PLEKHF1: variants seen among roughly 807,000 people sequenced by gnomAD.
PLEKHF1 encodes pleckstrin homology and FYVE domain containing 1.
PLEKHF1 carries 1 observed loss-of-function variant against 4.1 expected under a neutral mutation model. The ratio of observed to expected loss-of-function variants is 0.24; its 90% CI spans 0.09 to 1.15. The LOEUF (loss-of-function observed/expected upper bound fraction) is 1.15. PLEKHF1 is among the 50% of genes most tolerant of loss of function. The pLI, the probability that PLEKHF1 is intolerant of heterozygous loss-of-function variation, is 0.52. For missense variants in PLEKHF1, 429 were observed against 400.6 expected (o/e 1.07, Z -0.60); for synonymous variants, 182 against 178.5 (o/e 1.02, Z -0.16).
chr19:29,668,645 T>C (rs949508150), intron 1 of PLEKHF1, among the ~76,000 whole-genome samples: 2 of 150,760 alleles, frequency 1.3e-5, no homozygotes, highest in African/African-American at 4.9e-5. Flanking sequence ...TCTTGAGCCC[T>C]GGAGTTCGAG....
intron 1 of PLEKHF1, among the ~76,000 whole-genome samples, chr19:29,672,696 G>A (rs549101378): frequency 6.6e-6 from 1 of 152,320 alleles, no homozygotes; most frequent in African/African-American, 2.4e-5. Context: ...ATGAATGGTG[G>A]TGTCACTGAA....
At chr19:29,668,859 G>A (rs987996846) in intron 1 of PLEKHF1, among the ~76,000 whole-genome samples, 2 of 152,176 alleles carry the variant, frequency 1.3e-5, no homozygotes, top group Non-Finnish European at 1.5e-5. Flanking sequence ...GCATGCCGGG[G>A]CAGCTCCCAG....
Position 29,673,960 on chromosome 19 carries a change from G to C in PLEKHF1, c.121G>C (p.Val41Leu). Reference protein sequence around the residue: ...LPGRVLLGEGVLTKECRKKAK... With the variant: ...LPGRVLLGEGLLTKECRKKAK... ...AGGCCGAGTGCTGCTGGGCGAGGGC[G>C]TGCTGACCAAAGAGTGCCGCAAGAA... The change falls in exon 2 of 2, where the codon GTG (valine) becomes CTG (leucine). Residue 41 changes from valine to leucine, a missense_variant. Val to Leu is a conservative substitution (Grantham distance 32). Coordinates refer to ENST00000436066, the MANE Select transcript of PLEKHF1 (RefSeq NM_024310.5). 3 of 1,613,908 alleles carry C rather than the reference G, an allele frequency of 1.9e-6. No homozygotes were observed. Among genetic ancestry groups the C allele is most frequent in the African/African-American group, 1.3e-5 (1 of 75,070 alleles).
In PLEKHF1 at chr19:29,675,438, AT is replaced by A. The variant is rs1971697496; in HGVS notation, c.*760del. 1 of 166,942 alleles carries A rather than the reference AT, an allele frequency of 6.0e-6. No homozygotes were observed. The highest frequency in any genetic ancestry group is 1.5e-5 in the Non-Finnish European group (1 of 68,122). The allele number at this position is 166,942 out of a possible 1,614,324, so 10.3% of individuals were successfully genotyped here. On this transcript the variant is annotated 3_prime_UTR_variant, in exon 2 of 2. Transcript: ENST00000436066. ...ACAGAAACCCTGCCCCCACTTAATA[AT>A]AAAAAAGAAAGTTTATTGATGGGTG... is the stretch of plus-strand genomic sequence containing the variant.
intron 1 of PLEKHF1, chr19:29,665,752 G>T: frequency 9.3e-7 from 1 of 1,074,064 alleles, no homozygotes; most frequent in South Asian, 2.1e-5. Context: ...CAGAGCGTCC[G>T]AGGCGGAATC....
Position 29,674,521 on chromosome 19 carries a change from C to A in PLEKHF1, c.682C>A (p.Pro228Thr). 1 of 1,573,202 alleles carries A rather than the reference C, an allele frequency of 6.4e-7. No homozygotes were observed. The highest frequency in any genetic ancestry group is 1.2e-5 in the South Asian group (1 of 86,262). The part of the protein sequence containing the change: ...EEAEEQGAGS[P>T]GQPAHLARPI... ...GGCGGAGGAGCAGGGCGCGGGGTCC[C>A]CAGGGCAGCCAGCCCACCTGGCCCG... The change falls in exon 2 of 2, where the codon CCA becomes ACA. Residue 228 changes from proline to threonine, a missense_variant. Pro to Thr is a conservative substitution (Grantham distance 38). Coordinates refer to ENST00000436066, the MANE Select transcript of PLEKHF1 (RefSeq NM_024310.5).
At chr19:29,668,887 C>T (rs945310620) in intron 1 of PLEKHF1, among the ~76,000 whole-genome samples, 10 of 152,256 alleles carry the variant, frequency 6.6e-5, no homozygotes, top group Admixed American at 6.5e-5. Flanking sequence ...TTGTCTGCCC[C>T]GCCCCTCGCC....
chr19:29,670,539 T>C (rs1195218803), intron 1 of PLEKHF1, among the ~76,000 whole-genome samples: 1 of 152,222 alleles, frequency 6.6e-6, no homozygotes, highest in Non-Finnish European at 1.5e-5. Context: ...TGACAGACGT[T>C]TGAGTTGCTT....
In PLEKHF1 at chr19:29,673,917, G is replaced by T. The variant is rs748491809; in HGVS notation, c.78G>T (p.Gly26=). ...TGGAGAGCTGCTTCGGGGCCTCGGG[G>T]CAGCCGCTGGCGCTGCCAGGCCGAG... ...AAVESCFGAS[G]QPLALPGRVL... is the part of the protein sequence containing the mutation. Residue 26 remains glycine (G), a synonymous_variant, in exon 2 of 2, where the codon GGG becomes GGT. Coordinates refer to ENST00000436066, the MANE Select transcript of PLEKHF1 (RefSeq NM_024310.5). The T allele has an allele frequency of 6.2e-7, 1 of 1,612,612 alleles. No homozygotes were observed. Among genetic ancestry groups the T allele is most frequent in the Non-Finnish European group, 8.5e-7 (1 of 1,179,488 alleles).
intron 1 of PLEKHF1, among the ~76,000 whole-genome samples, chr19:29,673,090 T>C (rs1399270259): frequency 6.6e-6 from 1 of 151,928 alleles, no homozygotes; most frequent in Non-Finnish European, 1.5e-5. Flanking sequence ...CCTTCTGGGG[T>C]TGGGTGGGAA....
intron 1 of PLEKHF1, among the ~76,000 whole-genome samples, chr19:29,672,726 T>A (rs1329792963): frequency 6.6e-6 from 1 of 152,108 alleles, no homozygotes; most frequent in Non-Finnish European, 1.5e-5. Flanking sequence ...GAGGTGCAGG[T>A]CTGCGGAGGT....
chr19:29,674,271 G>A lies in PLEKHF1; in HGVS notation c.432G>A (p.Glu144=). ...CCACGGGCCGCCCGCCCAGCACGGA[G>A]CACGCGGCACCCTGGATCCCCGACA... The part of the protein sequence containing the change: ...LRATGRPPST[E]HAAPWIPDKA... Residue 144 remains glutamate (E), a synonymous_variant, in exon 2 of 2, where the codon GAG becomes GAA. Transcript: ENST00000436066. The A allele has an allele frequency of 2.5e-6, 4 of 1,601,856 alleles. No individual in the cohort carries two copies. The highest frequency in any genetic ancestry group is 3.4e-6 in the Non-Finnish European group (4 of 1,177,896).
At chr19:29,666,039 G>A (rs1302522254) in intron 1 of PLEKHF1, among the ~76,000 whole-genome samples, 1 of 151,990 alleles carries the variant, frequency 6.6e-6, no homozygotes, top group Non-Finnish European at 1.5e-5. Context: ...AAGGGAAACA[G>A]GGTCGGGCAC....
rs563693429 is a variant in PLEKHF1 at position 29,671,984 on chromosome 19, C to T, written c.-16-1840C>T. Among the ~76,000 whole-genome samples the T allele has an allele frequency of 6.1e-4, 92 of 151,698 alleles. No homozygotes were observed. Among genetic ancestry groups the T allele is most frequent in the African/African-American group, 1.8e-3 (76 of 41,340 alleles). On this transcript the variant is annotated intron_variant, in intron 1 of 1. Coordinates refer to ENST00000436066, the MANE Select transcript of PLEKHF1 (RefSeq NM_024310.5). The surrounding 1 kb of genome is among the most constrained non-coding windows in gnomAD (Gnocchi z 4.0). Reference sequence around the variant, plus strand: ...GTGGGCCTTGGGACCTGCTTGGAACCGTGCCAAGCTACTTATGAAGCATCT... The same window carrying T: ...GTGGGCCTTGGGACCTGCTTGGAACTGTGCCAAGCTACTTATGAAGCATCT...
At position 29,671,715 on chromosome 19, in the gene PLEKHF1, G is replaced by T. The variant is rs887453092; in HGVS notation, c.-16-2109G>T. On this transcript the variant is annotated intron_variant, in intron 1 of 1. Transcript: ENST00000436066. The surrounding 1 kb of genome is among the most constrained non-coding windows in gnomAD (Gnocchi z 4.0). The stretch of plus-strand genomic sequence containing the variant: ...CACTTGTGATCTGCAGGGGCAAGTG[G>T]AACGGGACTCGAGGGCCCAGCATCT... Among the ~76,000 whole-genome samples, 8 of 152,282 alleles carry T rather than the reference G, an allele frequency of 5.3e-5. No individual in the cohort carries two copies. In the East Asian group the frequency reaches 1.4e-3, roughly 26 times the overall value.
rs898905140 is a variant in PLEKHF1, at chr19:29,675,156, C to T, written c.*477C>T. On this transcript the variant is annotated 3_prime_UTR_variant, in exon 2 of 2. Transcript: ENST00000436066. ...GACTGCCCACCCACCACGCTGGTGC[C>T]CACCGCCTGGCCAGCCAAGCCCTGC... The T allele has an allele frequency of 1.3e-4, 22 of 167,258 alleles. No homozygotes were observed. The highest frequency in any genetic ancestry group is 5.3e-4 in the African/African-American group (22 of 41,518). The allele number at this position is 167,258 out of a possible 1,614,324, so 10.4% of individuals were successfully genotyped here.
rs756392627 is a variant in PLEKHF1, at chr19:29,674,259, G to T, written c.420G>T (p.Pro140=). Reference sequence around the variant, plus strand: ...GGCAACTGAGGGCCACGGGCCGCCCGCCCAGCACGGAGCACGCGGCACCCT... The same window carrying T: ...GGCAACTGAGGGCCACGGGCCGCCCTCCCAGCACGGAGCACGCGGCACCCT... The part of the protein sequence containing the change: ...VRRQLRATGR[P]PSTEHAAPWI... The change falls in exon 2 of 2, where the codon CCG becomes CCT. Residue 140 remains proline (P), a synonymous_variant. Transcript: ENST00000436066. The T allele has an allele frequency of 8.1e-6, 13 of 1,606,126 alleles. No homozygotes were observed. Among genetic ancestry groups the T allele is most frequent in the Non-Finnish European group, 1.1e-5 (13 of 1,178,824 alleles).
At chr19:29,668,313 A>T (rs1207408709) in intron 1 of PLEKHF1, among the ~76,000 whole-genome samples, 1 of 152,158 alleles carries the variant, frequency 6.6e-6, no homozygotes, top group African/African-American at 2.4e-5. Flanking sequence ...TCTGTCACCA[A>T]CATCTTCCCG....
chr19:29,669,108 C>T (rs1971601900), intron 1 of PLEKHF1, among the ~76,000 whole-genome samples: 1 of 152,152 alleles, frequency 6.6e-6, no homozygotes, highest in Non-Finnish European at 1.5e-5. Flanking sequence ...GGGGGCAGAG[C>T]AGCAAAGGGG....
Sources: gnomAD v4.1 joint callset for allele counts (sites outside exome capture counted in the v4.1 genomes callset) on GRCh38, gnomAD v4.1.1 for gene constraint, Gnocchi (gnomAD v3.1) non-coding constraint, MANE v1.5 for transcripts, NCBI Gene and HGNC (gene_info 2026-07-23, HGNC 2026-07-21) for gene names.